FAF1: variants seen among roughly 807,000 people sequenced by gnomAD.
The protein encoded by FAF1 is Fas associated factor 1, also known as FAS-associated factor 1.
In FAF1, 25 loss-of-function variants were observed where a neutral mutation model predicts 92.5. The ratio of observed to expected loss-of-function variants is 0.27; its 90% CI spans 0.20 to 0.38. The LOEUF is 0.38. Among genes scored for constraint, FAF1 ranks in the 10% least tolerant of loss-of-function variants. FAF1 has a pLI of 1.00. For missense variants in FAF1, 636 were observed against 793.3 expected, an observed-to-expected ratio of 0.80 and a Z score of 2.38; for synonymous variants, 234 against 273.2, an observed-to-expected ratio of 0.86 and a Z score of 1.42.
intron 8 of FAF1, among the ~76,000 whole-genome samples, chr1:50,629,020 G>A (rs1653633642): frequency 6.6e-6 from 1 of 152,160 alleles, no homozygotes; most frequent in African/African-American, 2.4e-5. Context: ...GGGTTGCTGG[G>A]AAGGTTAAAT....
At chr1:50,554,390 T>TATATATATATATATATAGAGAGAGAGAG in intron 13 of FAF1, among the ~76,000 whole-genome samples, 29 of 93,674 alleles carry the variant, frequency 3.1e-4, no homozygotes, top group Non-Finnish European at 4.8e-4. Flanking sequence ...TATATATATA[T>TATATATATATATATATAGAGAGAGAGAG]AGAGAGAGAG....
chr1:50,728,227 G>A (rs1658743266), intron 6 of FAF1, among the ~76,000 whole-genome samples: 1 of 152,132 alleles, frequency 6.6e-6, no homozygotes, highest in South Asian at 2.1e-4. Flanking sequence ...CTGAGGGTGT[G>A]ATATTTGAGT....
chr1:50,722,508 G>C (rs911347745), intron 6 of FAF1, among the ~76,000 whole-genome samples: 2 of 152,072 alleles, frequency 1.3e-5, no homozygotes, highest in Non-Finnish European at 2.9e-5. Flanking sequence ...CATTAGCCAG[G>C]CGTGGCGGCG....
At chr1:50,836,859 T>A (rs1279680535) in intron 2 of FAF1, among the ~76,000 whole-genome samples, 1 of 152,000 alleles carries the variant, frequency 6.6e-6, no homozygotes. Flanking sequence ...GTCAAAAAAA[T>A]TAATATTGAC....
intron 8 of FAF1, among the ~76,000 whole-genome samples, chr1:50,644,100 C>T (rs887511048): frequency 6.6e-6 from 1 of 152,112 alleles, no homozygotes; most frequent in African/African-American, 2.4e-5. Context: ...CCTGCTTGTT[C>T]GTATGTGCAG....
intron 9 of FAF1, among the ~76,000 whole-genome samples, chr1:50,593,329 G>A (rs1009265189): frequency 6.6e-6 from 1 of 152,144 alleles, no homozygotes; most frequent in African/African-American, 2.4e-5. Context: ...ATATAATAGT[G>A]AGGGTGAGAG....
intron 8 of FAF1, among the ~76,000 whole-genome samples, chr1:50,606,059 T>G (rs904271627): frequency 6.6e-6 from 1 of 152,062 alleles, no homozygotes; most frequent in Non-Finnish European, 1.5e-5. Context: ...AGTGAAAAAA[T>G]ATGTAGCATA....
At chr1:50,637,084 A>G (rs930788598) in intron 8 of FAF1, among the ~76,000 whole-genome samples, 4 of 152,036 alleles carry the variant, frequency 2.6e-5, no homozygotes, top group Admixed American at 6.6e-5. Context: ...TGTATTGAAT[A>G]TTATAGTAAT....
intron 8 of FAF1, among the ~76,000 whole-genome samples, chr1:50,609,352 T>G (rs747786203): frequency 6.6e-6 from 1 of 152,124 alleles, no homozygotes; most frequent in Non-Finnish European, 1.5e-5. Context: ...ATCACAGACC[T>G]AACAGACAGC....
chr1:50,808,298 C>G (rs1662286545), intron 2 of FAF1, among the ~76,000 whole-genome samples: 1 of 152,140 alleles, frequency 6.6e-6, no homozygotes, highest in African/African-American at 2.4e-5. Context: ...TACAGGCCAT[C>G]ATAAAAACAC....
chr1:50,456,765 T>C (rs1646357782), intron 18 of FAF1, among the ~76,000 whole-genome samples: 1 of 152,072 alleles, frequency 6.6e-6, no homozygotes, highest in African/African-American at 2.4e-5. Context: ...AGAAAAGAAT[T>C]TAGAACACTG....
At chr1:50,619,634 T>C (rs1214321983) in intron 8 of FAF1, among the ~76,000 whole-genome samples, 1 of 152,180 alleles carries the variant, frequency 6.6e-6, no homozygotes, top group Non-Finnish European at 1.5e-5. Flanking sequence ...TTGGGTTCTC[T>C]CTGTATATGA....
At chr1:50,908,364 G>A (rs796904573) in intron 1 of FAF1, among the ~76,000 whole-genome samples, 7 of 152,342 alleles carry the variant, frequency 4.6e-5, no homozygotes, top group African/African-American at 1.7e-4. Flanking sequence ...CTGGGGTGGA[G>A]GGTTCTGTAG....
intron 2 of FAF1, among the ~76,000 whole-genome samples, chr1:50,836,189 T>TTTTTTTTTTTA (rs1553144967): frequency 2.0e-5 from 3 of 146,808 alleles, no homozygotes; most frequent in Admixed American, 6.8e-5. Context: ...TTTTTTTTTT[T>TTTTTTTTTTTA]AGACAGGGTC....
intron 15 of FAF1, among the ~76,000 whole-genome samples, chr1:50,508,043 C>A (rs1647082201): frequency 6.6e-6 from 1 of 152,132 alleles, no homozygotes; most frequent in Admixed American, 6.5e-5. Flanking sequence ...AACAAGATAC[C>A]ACCTTTATAC....
At chr1:50,561,368 AG>A (rs1356464944) in intron 13 of FAF1, among the ~76,000 whole-genome samples, 1 of 152,214 alleles carries the variant, frequency 6.6e-6, no homozygotes, top group African/African-American at 2.4e-5. Flanking sequence ...TGAAGGCTTT[AG>A]TACCATATAT....
At chr1:50,815,565 A>T (rs1322756462) in intron 2 of FAF1, among the ~76,000 whole-genome samples, 1 of 152,200 alleles carries the variant, frequency 6.6e-6, no homozygotes, top group Non-Finnish European at 1.5e-5. Flanking sequence ...ATATATACCT[A>T]GTAATAGCAT....
chr1:50,676,783 C>T (rs776879620), intron 7 of FAF1, among the ~76,000 whole-genome samples: 2 of 152,160 alleles, frequency 1.3e-5, no homozygotes, highest in African/African-American at 2.4e-5. Flanking sequence ...GATCCTGCCA[C>T]TGCACTCTAG....
chr1:50,567,109 A>G lies in FAF1; in HGVS notation c.1236T>C (p.Ala412=), dbSNP rs755806970. ...SYLSQNFITW[A]WDLTKDSNRA... ...TGTTGGAGTCCTTTGTCAGATCCCAAGCCCAGGTTATAAAATTTTGACTCA... is the reference window on the plus strand; with the variant it reads ...TGTTGGAGTCCTTTGTCAGATCCCAGGCCCAGGTTATAAAATTTTGACTCA... The change falls in exon 13 of 19, where the codon GCT becomes GCC. Residue 412 remains alanine, a synonymous_variant. Coordinates refer to ENST00000396153, the MANE Select transcript of FAF1 (RefSeq NM_007051.3). 6.2e-7 allele frequency: 1 copy of G among 1,609,996 alleles called. No individual in the cohort carries two copies. Among genetic ancestry groups the G allele is most frequent in the African/African-American group, 1.3e-5 (1 of 74,940 alleles).
Sources: allele counts gnomAD v4.1 joint callset (sites outside exome capture counted in the v4.1 genomes callset), GRCh38; gene constraint gnomAD v4.1.1; transcripts MANE v1.5; gene names NCBI Gene and HGNC (gene_info 2026-07-23, HGNC 2026-07-21).